Variants in C2CD4C observed in about 807,000 individuals in gnomAD.
C2CD4C encodes C2 calcium-dependent domain-containing protein 4C.
Under a neutral mutation model 4.1 loss-of-function variants are expected in C2CD4C, and 3 were observed. That is an observed-to-expected ratio of 0.73 (90% CI 0.33 to 1.88). C2CD4C has a LOEUF of 1.88. Among genes scored for constraint, C2CD4C ranks in the 40% most tolerant of loss-of-function variants. The probability of loss-of-function intolerance (pLI) is 0.08; values close to 1 mark genes in which losing one functional copy is unlikely to be tolerated. For missense variants in C2CD4C, 664 were observed against 621.5 expected, an observed-to-expected ratio of 1.07 and a Z score of -0.73; for synonymous variants, 364 against 290.4, an observed-to-expected ratio of 1.25 and a Z score of -2.57.
rs911857227 is a variant in C2CD4C at position 407,033 on chromosome 19, G to A, written c.*63C>T. ...CCAGCGGACCCGCCCGCCAGCACCC[G>A]GTGTGGAGGAGAGACCGGGGTCTGC... On this transcript the variant is annotated 3_prime_UTR_variant, in exon 2 of 2. Transcript: ENST00000332235. 181 of 1,025,030 alleles carry A rather than the reference G, an allele frequency of 1.8e-4. No individual in the cohort carries two copies. The highest frequency in any genetic ancestry group is 4.2e-4 in the African/African-American group (24 of 57,388). The allele number at this position is 1,025,030 out of a possible 1,614,324, so 63.5% of individuals were successfully genotyped here.
chr19:407,925 G>T lies in C2CD4C; in HGVS notation c.437C>A (p.Thr146Lys). Residue 146 changes from threonine (T) to lysine (K), a missense_variant, in exon 2 of 2, where the codon ACG (threonine) becomes AAG (lysine). By Grantham distance (78) the Thr-to-Lys change is moderately conservative. Transcript: ENST00000332235. ...AGCCAGCATGGCGAAGCCGTAGGAC[G>T]TCTGGGCCTTGGGCACCGAGGGCAG... is the stretch of plus-strand genomic sequence containing the variant. ...MSLPSVPKAQ[T>K]SYGFAMLAES... is the part of the protein sequence containing the mutation. 1 of 1,548,822 alleles carries T rather than the reference G, an allele frequency of 6.5e-7. No individual in the cohort carries two copies. Among genetic ancestry groups the T allele is most frequent in the Non-Finnish European group, 8.7e-7 (1 of 1,146,382 alleles).
chr19:408,512 G>A lies in C2CD4C; in HGVS notation c.-40-111C>T, dbSNP rs542717634. ...GGGCCCTGCCGGCGGGGTGGGGGTG[G>A]AGGGGTCCCCTGGGGGCGTCCCGCC... On this transcript the variant is annotated intron_variant, in intron 1 of 1. Coordinates refer to ENST00000332235, the MANE Select transcript of C2CD4C (RefSeq NM_001136263.2). 1.6e-4 allele frequency: 97 copies of A among 594,416 alleles called. 1 individual carries two copies. The African/African-American group carries it at 1.9e-3, about 12-fold the overall frequency. The allele number at this position is 594,416 out of a possible 1,614,324, so 36.8% of individuals were successfully genotyped here. A position where few individuals can be genotyped will look rare whatever the true frequency, so the allele number is the denominator to read the frequency against.
chr19:407,258 G>T lies in C2CD4C; in HGVS notation c.1104C>A (p.Arg368=). ...QRSTIVKNSR[R]PVFNEDFFFD... is the part of the protein sequence containing the mutation. ...AGAAGAAATCCTCGTTGAAGACGGG[G>T]CGGCGGCTGTTCTTCACGATGGTGC... The change falls in exon 2 of 2, where the codon CGC becomes CGA. Residue 368 remains arginine (R), a synonymous_variant. Transcript: ENST00000332235. 6.5e-7 allele frequency: 1 copy of T among 1,550,244 alleles called. No individual in the cohort carries two copies. Among genetic ancestry groups the T allele is most frequent in the Non-Finnish European group, 8.7e-7 (1 of 1,146,874 alleles).
In C2CD4C at chr19:408,138, T is replaced by C. The variant is rs1346391994; in HGVS notation, c.224A>G (p.Glu75Gly). Reference sequence around the variant, plus strand: ...GGGGGCCGCAGAGGCCAGGTTCTGTTCCGACGTGGAGGGGCCCAGCGCGGC... The same window carrying C: ...GGGGGCCGCAGAGGCCAGGTTCTGTCCCGACGTGGAGGGGCCCAGCGCGGC... Reference protein sequence around the residue: ...GQAALGPSTSEQNLASAAPRQ... With the variant: ...GQAALGPSTSGQNLASAAPRQ... The change falls in exon 2 of 2, where the codon GAA becomes GGA. Residue 75 changes from glutamate (E) to glycine (G), a missense_variant. Transcript: ENST00000332235. 3 of 1,458,720 alleles carry C rather than the reference T, an allele frequency of 2.1e-6. No homozygotes were observed. Among genetic ancestry groups the C allele is most frequent in the Non-Finnish European group, 2.7e-6 (3 of 1,105,438 alleles). 90.4% of individuals were successfully genotyped at this position (1,458,720 alleles called of 1,614,324 possible).
In C2CD4C at chr19:406,952, A is replaced by C; in HGVS notation, c.*144T>G. 1.7e-6 allele frequency: 1 copy of C among 583,952 alleles called. No homozygotes were observed. 36.2% of individuals were successfully genotyped at this position (583,952 alleles called of 1,614,324 possible). On this transcript the variant is annotated 3_prime_UTR_variant, in exon 2 of 2. Coordinates refer to ENST00000332235, the MANE Select transcript of C2CD4C (RefSeq NM_001136263.2). ...CAGGAAACCCTGCGTCAGCTACAGC[A>C]TCAGCGCCCAGCCCAGCCTGAGTGT...
chr19:407,937 G>T lies in C2CD4C; in HGVS notation c.425C>A (p.Pro142His), dbSNP rs1366445304. The T allele has an allele frequency of 2.0e-5, 31 of 1,548,298 alleles. No individual in the cohort carries two copies. Among genetic ancestry groups the T allele is most frequent in the Non-Finnish European group, 2.5e-5 (29 of 1,146,254 alleles). The change falls in exon 2 of 2, where the codon CCC becomes CAC. Residue 142 changes from proline to histidine, a missense_variant. Coordinates refer to ENST00000332235, the MANE Select transcript of C2CD4C (RefSeq NM_001136263.2). ...GAAGCCGTAGGACGTCTGGGCCTTG[G>T]GCACCGAGGGCAGGGACATGGCACC... ...AQGAMSLPSVPKAQTSYGFAM... is the reference protein window; with the variant it reads ...AQGAMSLPSVHKAQTSYGFAM...
chr19:408,405 G>GGGGTGATGGCCC lies in C2CD4C; in HGVS notation c.-40-5_-40-4insGGGCCATCACCC, dbSNP rs1320301790. ...GCCCGGACAGGGGCTGCAGCGTCTG[G>GGGGTGATGGCCC]GAAGAGAAGCAGGGGTCAGGAGCAG... On this transcript the variant is annotated splice_region_variant and splice_polypyrimidine_tract_variant and intron_variant, in intron 1 of 1. Transcript: ENST00000332235. 6.6e-7 allele frequency: 1 copy of GGGGTGATGGCCC among 1,519,736 alleles called. No individual in the cohort carries two copies. The highest frequency in any genetic ancestry group is 8.8e-7 in the Non-Finnish European group (1 of 1,132,472). The allele number at this position is 1,519,736 out of a possible 1,614,324, so 94.1% of individuals were successfully genotyped here.
Position 407,776 on chromosome 19 carries a change from C to T in C2CD4C, c.586G>A (p.Gly196Ser). 1 of 1,517,700 alleles carries T rather than the reference C, an allele frequency of 6.6e-7. No homozygotes were observed. The highest frequency in any genetic ancestry group is 2.2e-5 in the Admixed American group (1 of 45,004). 94.0% of individuals were successfully genotyped at this position (1,517,700 alleles called of 1,614,324 possible). ...AAAKANGGDG[G>S]PREAGGALMS... ...AGGGCCCCGCCAGCCTCCCTGGGGC[C>T]CCCATCACCCCCGTTGGCCTTGGCA... is the stretch of plus-strand genomic sequence containing the variant. Residue 196 changes from glycine (G) to serine (S), a missense_variant, in exon 2 of 2, where the codon GGC (glycine) becomes AGC (serine). Coordinates refer to ENST00000332235, the MANE Select transcript of C2CD4C (RefSeq NM_001136263.2).
chr19:408,215 G>A lies in C2CD4C; in HGVS notation c.147C>T (p.Asp49=), dbSNP rs1344929629. The change falls in exon 2 of 2, where the codon GAC becomes GAT. Residue 49 remains aspartate (D), a synonymous_variant. Coordinates refer to ENST00000332235, the MANE Select transcript of C2CD4C (RefSeq NM_001136263.2). ...AGGGCAGCTTGGGGGGGATGAAAAAGTCGGGGATCTTGTCGGGCGTCAACA... is the reference window on the plus strand; with the variant it reads ...AGGGCAGCTTGGGGGGGATGAAAAAATCGGGGATCTTGTCGGGCGTCAACA... ...SNVLTPDKIP[D]FFIPPKLPSG... The A allele has an allele frequency of 2.0e-5, 29 of 1,462,522 alleles. No homozygotes were observed. The highest frequency in any genetic ancestry group is 2.7e-5 in the Admixed American group (1 of 36,742). The allele number at this position is 1,462,522 out of a possible 1,614,324, so 90.6% of individuals were successfully genotyped here.
Position 407,066 on chromosome 19 carries a change from A to C in C2CD4C, c.*30T>G, listed in dbSNP as rs1185118927. The C allele has an allele frequency of 7.0e-5, 105 of 1,494,994 alleles. No individual in the cohort carries two copies. Among genetic ancestry groups the C allele is most frequent in the Non-Finnish European group, 9.1e-5 (102 of 1,116,736 alleles). The allele number at this position is 1,494,994 out of a possible 1,614,324, so 92.6% of individuals were successfully genotyped here. On this transcript the variant is annotated 3_prime_UTR_variant, in exon 2 of 2. Coordinates refer to ENST00000332235, the MANE Select transcript of C2CD4C (RefSeq NM_001136263.2). ...GGAGAGACCGGGGTCTGCCCTCTGC[A>C]CCCGAGCGGACAGCGAGCAGGTCCC...
chr19:406,999 C>CCCCCCCCCCCA lies in C2CD4C; in HGVS notation c.*96_*97insTGGGGGGGGGG. 1.6e-5 allele frequency: 17 copies of CCCCCCCCCCCA among 1,069,666 alleles called. No homozygotes were observed. Among genetic ancestry groups the CCCCCCCCCCCA allele is most frequent in the Non-Finnish European group, 1.7e-5 (13 of 773,662 alleles). The allele number at this position is 1,069,666 out of a possible 1,614,324, so 66.3% of individuals were successfully genotyped here. On this transcript the variant is annotated 3_prime_UTR_variant, in exon 2 of 2. Transcript: ENST00000332235. ...GTGTGAGCCCCTCCCCGGCCAGCCC[C>CCCCCCCCCCCA]AGCCCAAGCCAGCGGACCCGCCCGC...
At position 409,127 on chromosome 19, in the gene C2CD4C, G is replaced by GGCGGCA. The variant is rs1451577459; in HGVS notation, c.-168_-163dup. On this transcript the variant is annotated 5_prime_UTR_variant, in exon 1 of 2. Coordinates refer to ENST00000332235, the MANE Select transcript of C2CD4C (RefSeq NM_001136263.2). ...GAGCTTCGATGCGGGCGGCGGCGGC[G>GGCGGCA]GCGGCAGCGCAGTCGGACTCATTCA... 5 of 152,770 alleles carry GGCGGCA rather than the reference G, an allele frequency of 3.3e-5. No homozygotes were observed. Among genetic ancestry groups the GGCGGCA allele is most frequent in the East Asian group, 1.9e-4 (1 of 5,150 alleles). 9.5% of individuals were successfully genotyped at this position (152,770 alleles called of 1,614,324 possible).
In C2CD4C at chr19:407,512, C is replaced by A. The variant is rs1251763369; in HGVS notation, c.850G>T (p.Ala284Ser). The A allele has an allele frequency of 1.8e-5, 25 of 1,379,938 alleles. No homozygotes were observed. The highest frequency in any genetic ancestry group is 2.2e-5 in the Non-Finnish European group (23 of 1,069,592). 85.5% of individuals were successfully genotyped at this position (1,379,938 alleles called of 1,614,324 possible). Residue 284 changes from alanine to serine, a missense_variant, in exon 2 of 2, where the codon GCA becomes TCA. Physicochemically the swap from Ala to Ser is moderately conservative, Grantham distance 99. Transcript: ENST00000332235. ...PGSRRRLTRR[A>S]PPEPGPESGQ... is the part of the protein sequence containing the mutation. Reference sequence around the variant, plus strand: ...GACTCGGGGCCAGGTTCCGGGGGTGCCCGGCGGGTCAGGCGGCGCCGGCTC... The same window carrying A: ...GACTCGGGGCCAGGTTCCGGGGGTGACCGGCGGGTCAGGCGGCGCCGGCTC...
intron 1 of C2CD4C, 57 bp from the exon 2 acceptor site, chr19:408,458 G>T: frequency 1.1e-6 from 1 of 887,068 alleles, no homozygotes; most frequent in Non-Finnish European, 1.5e-6. Context: ...AGGGCCCTGG[G>T]CACCTGCTCC....
intron 1 of C2CD4C, among the ~76,000 whole-genome samples, chr19:408,683 C>T (rs1006388701): frequency 1.3e-5 from 2 of 152,192 alleles, no homozygotes; most frequent in Non-Finnish European, 2.9e-5. Context: ...ACTGGCCCCT[C>T]GCCCGCCCCC....
Position 407,632 on chromosome 19 carries a change from G to A in C2CD4C, c.730C>T (p.Gln244Ter). 1 of 1,474,926 alleles carries A rather than the reference G, an allele frequency of 6.8e-7. No individual in the cohort carries two copies. The highest frequency in any genetic ancestry group is 9.0e-7 in the Non-Finnish European group (1 of 1,112,112). 91.4% of individuals were successfully genotyped at this position (1,474,926 alleles called of 1,614,324 possible). ...TGGCTCACCTTGGCCTGGCTGTCCT[G>A]GGCGAAACCTTTGAGCAGAGACACG... The part of the protein sequence containing the change: ...RSVSLLKGFA[Q>*]DSQAKVSQLR... The change falls in exon 2 of 2, where the codon CAG becomes TAG. Residue 244 changes from glutamine (Q) to a stop codon, truncating the protein, a stop_gained. Transcript: ENST00000332235. LOFTEE classifies it low-confidence loss of function (END_TRUNC).
intron 1 of C2CD4C, 31 bp from the exon 2 acceptor site, chr19:408,432 G>C: frequency 1.4e-6 from 2 of 1,445,158 alleles, no homozygotes; most frequent in Non-Finnish European, 1.8e-6. Context: ...CAGGAGCAGT[G>C]GGGGGCGGCT....
In C2CD4C at chr19:409,047, A is replaced by C. The variant is rs1220406029; in HGVS notation, c.-82T>G. On this transcript the variant is annotated 5_prime_UTR_variant, in exon 1 of 2. Transcript: ENST00000332235. ...CCCGAGGCCGGAGGTCTGTTCGCAG[A>C]CACGCAGGGGTCTCGGCGCGCAGGC... 1 of 152,812 alleles carries C rather than the reference A, an allele frequency of 6.5e-6. No individual in the cohort carries two copies. The highest frequency in any genetic ancestry group is 1.5e-5 in the Non-Finnish European group (1 of 68,096). The allele number at this position is 152,812 out of a possible 1,614,324, so 9.5% of individuals were successfully genotyped here. A position where few individuals can be genotyped will look rare whatever the true frequency, so the allele number is the denominator to read the frequency against.
In C2CD4C at chr19:407,542, G is replaced by GGCTGGCGTCCGGGGT; in HGVS notation, c.805_819dup (p.Thr269_Ser273dup). On this transcript the variant is annotated inframe_insertion, in exon 2 of 2. Coordinates refer to ENST00000332235, the MANE Select transcript of C2CD4C (RefSeq NM_001136263.2). ...CGGGTCAGGCGGCGCCGGCTCCCGGGGCTGGCGTCCGGGGTGCTGTCGTCC... is the reference window on the plus strand; with the variant it reads ...CGGGTCAGGCGGCGCCGGCTCCCGGGGCTGGCGTCCGGGGTGCTGGCGTCCGGGGTGCTGTCGTCC... 2 of 1,391,524 alleles carry GGCTGGCGTCCGGGGT rather than the reference G, an allele frequency of 1.4e-6. No individual in the cohort carries two copies. Among genetic ancestry groups the GGCTGGCGTCCGGGGT allele is most frequent in the Non-Finnish European group, 1.9e-6 (2 of 1,073,762 alleles). The allele number at this position is 1,391,524 out of a possible 1,614,324, so 86.2% of individuals were successfully genotyped here.
Sources: allele counts gnomAD v4.1 joint callset (sites outside exome capture counted in the v4.1 genomes callset), GRCh38; gene constraint gnomAD v4.1.1; transcripts MANE v1.5; gene names NCBI Gene and HGNC (gene_info 2026-07-23, HGNC 2026-07-21).